The following CAPN2 variants were observed in gnomAD, a reference collection of about 807,000 sequenced individuals.
CAPN2 encodes calpain-2 catalytic subunit.
Under a neutral mutation model 102.3 loss-of-function variants are expected in CAPN2, and 92 were observed. The observed-to-expected ratio is 0.90, with a 90% CI of 0.76 to 1.07. The LOEUF (loss-of-function observed/expected upper bound fraction) is 1.07. Among genes scored for constraint, CAPN2 ranks in the 50% least tolerant of loss-of-function variants. The probability of loss-of-function intolerance (pLI) is 0.00; values close to 1 mark genes in which losing one functional copy is unlikely to be tolerated. For synonymous variants in CAPN2, 340 were observed against 355.4 expected (o/e 0.96, Z 0.49); for missense variants, 800 against 909.4 (o/e 0.88, Z 1.55).
intron 5 of CAPN2, among the ~76,000 whole-genome samples, chr1:223,748,722 C>G (rs543455618): frequency 6.6e-6 from 1 of 151,158 alleles, no homozygotes; most frequent in East Asian, 1.9e-4. Flanking sequence ...AGCCCTCTCT[C>G]GGCCGTGCGC....
chr1:223,744,635 C>T (rs558276851), intron 3 of CAPN2, among the ~76,000 whole-genome samples: 182 of 151,942 alleles, frequency 1.2e-3, no homozygotes, highest in African/African-American at 4.3e-3. Flanking sequence ...CCGAGGTGGG[C>T]AGATCATTTG....
In CAPN2 at chr1:223,746,992, T is replaced by C; in HGVS notation, c.561-5T>C. The C allele has an allele frequency of 3.1e-6, 5 of 1,612,760 alleles. No homozygotes were observed. The highest frequency in any genetic ancestry group is 2.2e-5 in the South Asian group (2 of 90,982). On this transcript the variant is annotated splice_region_variant and splice_polypyrimidine_tract_variant and intron_variant, in intron 4 of 20. Transcript: ENST00000295006. ...GTAGCGGCAGCGTCTAATCCCCTCT[T>C]GTAGGATCAACGGATGCTATGAAGC...
rs1336568484 is a variant in CAPN2, at chr1:223,752,889, G to C, written c.1068G>C (p.Trp356Cys). ...TCACCAGCGATACCTACAAGAAGTG[G>C]AAACTCACCAAAATGGATGGGAACT... is the stretch of plus-strand genomic sequence containing the variant. ...DTLTSDTYKK[W>C]KLTKMDGNWR... The change falls in exon 9 of 21, where the codon TGG becomes TGC. Residue 356 changes from tryptophan to cysteine, a missense_variant. Transcript: ENST00000295006. 1 of 1,614,164 alleles carries C rather than the reference G, an allele frequency of 6.2e-7. No individual in the cohort carries two copies. The highest frequency in any genetic ancestry group is 1.7e-5 in the Admixed American group (1 of 60,022).
chr1:223,769,636 G>A (rs1023422128), intron 16 of CAPN2, among the ~76,000 whole-genome samples: 21 of 152,140 alleles, frequency 1.4e-4, no homozygotes, highest in Non-Finnish European at 2.9e-4. Context: ...AACCAGATTC[G>A]GCAGGGAGCC....
At chr1:223,757,457 G>A (rs1354848100) in intron 11 of CAPN2, 77 bp downstream of exon 11, 35 of 1,532,836 alleles carry the variant, frequency 2.3e-5, no homozygotes, top group Admixed American at 3.3e-5. Flanking sequence ...CTCAGGGAGC[G>A]TCGTGAAGCC....
chr1:223,771,796 C>A lies in CAPN2; in HGVS notation c.1904-13C>A. The A allele has an allele frequency of 6.5e-7, 1 of 1,543,128 alleles. No individual in the cohort carries two copies. The highest frequency in any genetic ancestry group is 9.0e-7 in the Non-Finnish European group (1 of 1,115,368). Reference sequence around the variant, plus strand: ...ATGCTTAGCAATGAGTTTGTTTGTTCATGTAACTTCAGGTTTCAAGATGCC... The same window carrying A: ...ATGCTTAGCAATGAGTTTGTTTGTTAATGTAACTTCAGGTTTCAAGATGCC... On this transcript the variant is annotated splice_polypyrimidine_tract_variant and intron_variant, in intron 18 of 20. Transcript: ENST00000295006.
In CAPN2 at chr1:223,712,831, G is replaced by C. The variant is rs202121109; in HGVS notation, c.191G>C (p.Gly64Ala). 105 of 1,565,656 alleles carry C rather than the reference G, an allele frequency of 6.7e-5. 1 individual carries two copies. In the Admixed American group the frequency reaches 1.6e-3, roughly 23 times the overall value. The change falls in exon 1 of 21, where the codon GGG becomes GCG. Residue 64 changes from glycine to alanine, a missense_variant. Transcript: ENST00000295006. ...TCGGCCCTGGGCTTCAAGGAGTTGG[G>C]GCCCTACTCCAGCAAAACCCGGGGC... ...IPSALGFKEL[G>A]PYSSKTRGIE...
chr1:223,707,922 G>A (rs570838845), upstream of CAPN2, among the ~76,000 whole-genome samples: 1 of 152,336 alleles, frequency 6.6e-6, no homozygotes, highest in East Asian at 1.9e-4. Flanking sequence ...AGATCAGTGG[G>A]AGGAGAAGCC....
upstream of CAPN2, among the ~76,000 whole-genome samples, chr1:223,709,334 C>T (rs1659679712): frequency 6.6e-6 from 1 of 152,148 alleles, no homozygotes. Context: ...AACATCATGG[C>T]TCTCATATTA....
chr1:223,709,586 G>A (rs894440737), upstream of CAPN2, among the ~76,000 whole-genome samples: 2 of 152,028 alleles, frequency 1.3e-5, no homozygotes, highest in South Asian at 2.1e-4. Context: ...CTTGAACCTG[G>A]GAGGTGGAGG....
intron 10 of CAPN2, 95 bp from the exon 11 acceptor site, chr1:223,757,274 C>A: frequency 7.4e-7 from 1 of 1,360,442 alleles, no homozygotes; most frequent in Middle Eastern, 1.8e-4. Context: ...GCTAATGCTA[C>A]AGAGAAAACG....
rs886391214 is a variant in CAPN2 at position 223,759,478 on chromosome 1, A to C, written c.1526A>C (p.Tyr509Ser). The C allele has an allele frequency of 1.9e-6, 3 of 1,613,688 alleles. No homozygotes were observed. The Admixed American group carries it at 5.0e-5, about 27-fold the overall frequency. ...IRVFSEKKAD[Y>S]QAVDDEIEAN... ...GTCTTTTCTGAAAAGAAAGCTGACTACCAGTAGGCGGTTTGGTCCCTTCCT... is the reference window on the plus strand; with the variant it reads ...GTCTTTTCTGAAAAGAAAGCTGACTCCCAGTAGGCGGTTTGGTCCCTTCCT... Residue 509 changes from tyrosine to serine, a missense_variant, in exon 12 of 21, where the codon TAC becomes TCC. Physicochemically the swap from Tyr to Ser is moderately radical, Grantham distance 144. Transcript: ENST00000295006. The surrounding 1 kb of genome is among the most constrained non-coding windows in gnomAD (Gnocchi z 4.6).
rs1660207321 is a variant in CAPN2 at position 223,726,882 on chromosome 1, G to A, written c.307+9051G>A. Among the ~76,000 whole-genome samples the A allele has an allele frequency of 6.6e-6, 1 of 152,174 alleles. No homozygotes were observed. The highest frequency in any genetic ancestry group is 2.1e-4 in the South Asian group (1 of 4,824). On this transcript the variant is annotated intron_variant, in intron 2 of 20. Coordinates refer to ENST00000295006, the MANE Select transcript of CAPN2 (RefSeq NM_001748.5). The surrounding 1 kb of genome is among the most constrained non-coding windows in gnomAD (Gnocchi z 4.4). ...ATGAGTAACAAAGGGATGGCCCAGGGTGACTCATCAGCTACCCTCTCGCAG... is the reference window on the plus strand; with the variant it reads ...ATGAGTAACAAAGGGATGGCCCAGGATGACTCATCAGCTACCCTCTCGCAG...
chr1:223,719,137 A>G (rs1459087430), intron 2 of CAPN2, among the ~76,000 whole-genome samples: 1 of 152,212 alleles, frequency 6.6e-6, no homozygotes, highest in Non-Finnish European at 1.5e-5. Flanking sequence ...CCCACAAAAG[A>G]CAGAAGATAG....
intron 1 of CAPN2, among the ~76,000 whole-genome samples, chr1:223,705,801 T>A (rs982992338): frequency 1.3e-5 from 2 of 152,258 alleles, no homozygotes; most frequent in Non-Finnish European, 2.9e-5. Context: ...AAAGGGGCCA[T>A]TGCTGCTGAT....
chr1:223,718,494 C>T (rs559944006), intron 2 of CAPN2, among the ~76,000 whole-genome samples: 93 of 152,338 alleles, frequency 6.1e-4, no homozygotes, highest in African/African-American at 2.2e-3. Context: ...GGTTCTCCAC[C>T]TTTAGTATGA....
chr1:223,716,496 G>A (rs182498810), intron 1 of CAPN2, among the ~76,000 whole-genome samples: 1 of 152,214 alleles, frequency 6.6e-6, no homozygotes, highest in East Asian at 1.9e-4. Flanking sequence ...GAGAAACAAG[G>A]CAGAGGCATG....
chr1:223,741,453 TA>T (rs1660612831), intron 2 of CAPN2, among the ~76,000 whole-genome samples: 1 of 132,196 alleles, frequency 7.6e-6, no homozygotes, highest in African/African-American at 3.2e-5. Flanking sequence ...TATATATATA[TA>T]TATATATATA....
intron 2 of CAPN2, among the ~76,000 whole-genome samples, chr1:223,721,040 A>G (rs1660038279): frequency 6.6e-6 from 1 of 152,122 alleles, no homozygotes; most frequent in Admixed American, 6.5e-5. Flanking sequence ...TGCCCTGTTT[A>G]CTGTGCTGCC....
Sources: allele counts gnomAD v4.1 joint callset (sites outside exome capture counted in the v4.1 genomes callset), GRCh38; gene constraint gnomAD v4.1.1; non-coding constraint Gnocchi (gnomAD v3.1); transcripts MANE v1.5; gene names NCBI Gene and HGNC (gene_info 2026-07-23, HGNC 2026-07-21).